PITPNC1: variants seen among roughly 807,000 people sequenced by gnomAD.
PITPNC1 encodes the protein cytoplasmic phosphatidylinositol transfer protein 1.
Under a neutral mutation model 44.7 loss-of-function variants are expected in PITPNC1, and 18 were observed. The observed-to-expected ratio is 0.40, with a 90% CI of 0.28 to 0.60. PITPNC1 has a LOEUF of 0.60. PITPNC1 is among the 20% of genes least tolerant of loss of function. PITPNC1 has a pLI of 0.39. For missense variants in PITPNC1, 290 were observed against 418.4 expected, an observed-to-expected ratio of 0.69 and a Z score of 2.68; for synonymous variants, 141 against 149.6, an observed-to-expected ratio of 0.94 and a Z score of 0.42.
chr17:67,595,586 T>C, intron 5 of PITPNC1, among the ~76,000 whole-genome samples: 1 of 152,230 alleles, frequency 6.6e-6, no homozygotes, highest in South Asian at 2.1e-4. Context: ...TGCTTCCATC[T>C]GCTCCCCTAC....
At chr17:67,620,590 C>T (rs886760295) in intron 5 of PITPNC1, among the ~76,000 whole-genome samples, 3 of 152,200 alleles carry the variant, frequency 2.0e-5, no homozygotes, top group African/African-American at 4.8e-5. Context: ...GGCCTGAAAC[C>T]TTTGCCTTCA....
chr17:67,662,591 T>G (rs1165458898), intron 6 of PITPNC1, among the ~76,000 whole-genome samples: 1 of 152,148 alleles, frequency 6.6e-6, no homozygotes, highest in East Asian at 1.9e-4. Flanking sequence ...TGCATACCAC[T>G]CCCTTCCCCC....
At chr17:67,534,217 G>C (rs1353915114) in intron 2 of PITPNC1, among the ~76,000 whole-genome samples, 3 of 152,012 alleles carry the variant, frequency 2.0e-5, no homozygotes, top group Non-Finnish European at 4.4e-5. Context: ...TTCTTACTAT[G>C]AATGGCGTAA....
At chr17:67,575,544 T>C (rs1315408155) in intron 4 of PITPNC1, among the ~76,000 whole-genome samples, 1 of 152,154 alleles carries the variant, frequency 6.6e-6, no homozygotes, top group African/African-American at 2.4e-5. Flanking sequence ...GAATTATCGA[T>C]GGCACGTCCC....
At chr17:67,391,703 A>G (rs1177313834) in intron 1 of PITPNC1, among the ~76,000 whole-genome samples, 1 of 151,828 alleles carries the variant, frequency 6.6e-6, no homozygotes, top group Non-Finnish European at 1.5e-5. Context: ...CTGGTCTCGA[A>G]CTCCTGACCT....
rs2949936 is a variant in PITPNC1, at chr17:67,508,783, G to A, written c.49-24019G>A. On this transcript the variant is annotated intron_variant, in intron 1 of 8. Coordinates refer to ENST00000581322, the MANE Select transcript of PITPNC1 (RefSeq NM_012417.4). The surrounding 1 kb of genome is among the most constrained non-coding windows in gnomAD (Gnocchi z 4.2). Reference sequence around the variant, plus strand: ...AGGGGCCAGAGGGGAGGGAAACGGGGAGCTGTTGTTTAAAGAGTGTAGAGT... The same window carrying A: ...AGGGGCCAGAGGGGAGGGAAACGGGAAGCTGTTGTTTAAAGAGTGTAGAGT... Among the ~76,000 whole-genome samples the A allele has an allele frequency of 0.57, 86,269 of 151,920 alleles. 24,588 individuals carry two copies. The highest frequency in any genetic ancestry group is 0.75 in the East Asian group (3,854 of 5,160).
intron 1 of PITPNC1, among the ~76,000 whole-genome samples, chr17:67,498,819 T>C (rs1236153784): frequency 6.6e-6 from 1 of 152,160 alleles, no homozygotes; most frequent in African/African-American, 2.4e-5. Flanking sequence ...TCATTTCATA[T>C]ACTCATGTAC....
In PITPNC1 at chr17:67,693,084, G is replaced by A; in HGVS notation, c.*196G>A. The A allele has an allele frequency of 1.8e-6, 1 of 549,484 alleles. No individual in the cohort carries two copies. Among genetic ancestry groups the A allele is most frequent in the Non-Finnish European group, 3.2e-6 (1 of 313,402 alleles). 34.0% of individuals were successfully genotyped at this position (549,484 alleles called of 1,614,324 possible). ...CTACACAGCATCATATTAGATGTAA[G>A]ATGTAAGACTTGCAAAGGACAGAAG... On this transcript the variant is annotated 3_prime_UTR_variant, in exon 9 of 9. Transcript: ENST00000581322.
At chr17:67,448,462 CT>C (rs932483964) in intron 1 of PITPNC1, among the ~76,000 whole-genome samples, 2 of 152,148 alleles carry the variant, frequency 1.3e-5, no homozygotes, top group Non-Finnish European at 2.9e-5. Flanking sequence ...GACTTCTTCG[CT>C]GGCATGTAGC....
chr17:67,533,600 G>A (rs2040492051), intron 2 of PITPNC1, among the ~76,000 whole-genome samples: 1 of 152,228 alleles, frequency 6.6e-6, no homozygotes, highest in South Asian at 2.1e-4. Flanking sequence ...GGACAAGTAA[G>A]TGCTGGAGGT....
intron 1 of PITPNC1, among the ~76,000 whole-genome samples, chr17:67,392,029 A>G (rs534361039): frequency 5.2e-4 from 79 of 151,888 alleles, no homozygotes; most frequent in Non-Finnish European, 9.1e-4. Flanking sequence ...CCACCCCTAC[A>G]CTCTTGGAAA....
chr17:67,551,333 A>G (rs1180618788), intron 2 of PITPNC1, among the ~76,000 whole-genome samples: 2 of 152,192 alleles, frequency 1.3e-5, no homozygotes, highest in Non-Finnish European at 2.9e-5. Flanking sequence ...TCCGAAACAA[A>G]TTGCTGCAAA....
chr17:67,462,724 T>C (rs967621306), intron 1 of PITPNC1, among the ~76,000 whole-genome samples: 4 of 135,022 alleles, frequency 3.0e-5, no homozygotes, highest in Non-Finnish European at 6.3e-5. Flanking sequence ...TTTTTTGAGA[T>C]GGAGTTTCAC....
chr17:67,429,024 A>G (rs1162261330), intron 1 of PITPNC1, among the ~76,000 whole-genome samples: 3 of 151,620 alleles, frequency 2.0e-5, no homozygotes, highest in Non-Finnish European at 4.4e-5. Flanking sequence ...TATTTTTAGT[A>G]GAGACGGGGT....
intron 4 of PITPNC1, among the ~76,000 whole-genome samples, chr17:67,566,514 T>C (rs765079112): frequency 1.2e-4 from 19 of 152,214 alleles, no homozygotes; most frequent in Non-Finnish European, 2.6e-4. Flanking sequence ...GGACCTGTTT[T>C]TAAAAGCACT....
At chr17:67,426,662 C>A (rs1206988886) in intron 1 of PITPNC1, among the ~76,000 whole-genome samples, 2 of 152,098 alleles carry the variant, frequency 1.3e-5, no homozygotes, top group Non-Finnish European at 2.9e-5. Flanking sequence ...GTGCAGCAAA[C>A]CACCATGGCA....
chr17:67,637,874 G>C (rs1397732120), intron 6 of PITPNC1: 2 of 150,394 alleles, frequency 1.3e-5, no homozygotes, highest in Non-Finnish European at 3.0e-5. Context: ...GTGGGGTGGG[G>C]GTGGGGGAGG....
intron 1 of PITPNC1, among the ~76,000 whole-genome samples, chr17:67,388,438 C>T (rs1462060235): frequency 6.6e-6 from 1 of 151,000 alleles, no homozygotes; most frequent in Non-Finnish European, 1.5e-5. Flanking sequence ...TCTCCTGCCT[C>T]AGCCTCCCGA....
intron 1 of PITPNC1, among the ~76,000 whole-genome samples, chr17:67,407,795 G>A (rs189425727): frequency 1.2e-3 from 175 of 150,060 alleles, no homozygotes; most frequent in African/African-American, 4.1e-3. Flanking sequence ...ACTCTGTCTC[G>A]GAAAAAAAAA....
Sources: allele counts gnomAD v4.1 joint callset (sites outside exome capture counted in the v4.1 genomes callset), GRCh38; gene constraint gnomAD v4.1.1; non-coding constraint Gnocchi (gnomAD v3.1); transcripts MANE v1.5; gene names NCBI Gene and HGNC (gene_info 2026-07-23, HGNC 2026-07-21).